KHDRBS2: variants seen among roughly 807,000 people sequenced by gnomAD.
The protein encoded by KHDRBS2 is KH RNA binding domain containing, signal transduction associated 2, also known as KH domain-containing, RNA-binding, signal transduction-associated protein 2.
A neutral mutation model predicts 44.3 loss-of-function variants in KHDRBS2; 26 were observed. That is an observed-to-expected ratio of 0.59 (90% CI 0.43 to 0.81). The LOEUF is 0.81. KHDRBS2 is among the 40% of genes least tolerant of loss of function. The probability of loss-of-function intolerance (pLI) is 0.00; values close to 1 mark genes in which losing one functional copy is unlikely to be tolerated. For missense variants in KHDRBS2, 476 were observed against 433.1 expected (o/e 1.10, Z -0.88); for synonymous variants, 194 against 151.1 (o/e 1.28, Z -2.08).
At chr6:61,932,120 T>C (rs1264610499) in intron 4 of KHDRBS2, among the ~76,000 whole-genome samples, 1 of 152,140 alleles carries the variant, frequency 6.6e-6, no homozygotes, top group Admixed American at 6.6e-5. Flanking sequence ...TATTTGTAGT[T>C]AAGTTTTTGG....
chr6:62,054,019 G>A (rs2127316927), intron 2 of KHDRBS2, among the ~76,000 whole-genome samples: 1 of 152,102 alleles, frequency 6.6e-6, no homozygotes, highest in Admixed American at 6.5e-5. Flanking sequence ...AACCTTTACA[G>A]AACATGTATA....
At chr6:62,284,158 T>C (rs559212614) in intron 1 of KHDRBS2, among the ~76,000 whole-genome samples, 4 of 152,308 alleles carry the variant, frequency 2.6e-5, no homozygotes, top group African/African-American at 2.4e-5. Context: ...GAAATACTTA[T>C]GCACTCTGTT....
chr6:62,045,393 C>T (rs1460559963), intron 3 of KHDRBS2, among the ~76,000 whole-genome samples: 2 of 151,980 alleles, frequency 1.3e-5, no homozygotes, highest in Non-Finnish European at 2.9e-5. Context: ...ATGTTTGGCT[C>T]CTTCTCATCT....
the KHDRBS2 span, among the ~76,000 whole-genome samples, chr6:61,553,931 C>G: frequency 1.3e-5 from 2 of 151,980 alleles, no homozygotes; most frequent in Admixed American, 6.6e-5. Context: ...TGTCTGGTCA[C>G]TTTTAGAGTG....
intron 4 of KHDRBS2, among the ~76,000 whole-genome samples, chr6:61,955,589 T>C (rs76687297): frequency 0.085 from 4,292 of 50,584 alleles, 1,417 homozygotes; most frequent in African/African-American, 0.27. Context: ...TGTATGTATG[T>C]ATACATGTGT....
the KHDRBS2 span, among the ~76,000 whole-genome samples, chr6:61,604,192 AGG>A: frequency 1.2e-4 from 18 of 152,204 alleles, no homozygotes; most frequent in Non-Finnish European, 2.2e-4. Flanking sequence ...TCACTATACA[AGG>A]GTCATCTATC....
intron 4 of KHDRBS2, among the ~76,000 whole-genome samples, chr6:61,925,257 T>G (rs1272447429): frequency 3.9e-5 from 6 of 152,174 alleles, no homozygotes. Context: ...AGTGATTATA[T>G]TATCCAATTT....
At chr6:62,019,316 T>C (rs771785805) in intron 3 of KHDRBS2, among the ~76,000 whole-genome samples, 1 of 152,178 alleles carries the variant, frequency 6.6e-6, no homozygotes, top group Non-Finnish European at 1.5e-5. Context: ...TTACTGAGAA[T>C]ATTTTTATTA....
intron 4 of KHDRBS2, among the ~76,000 whole-genome samples, chr6:61,910,455 A>G (rs537261550): frequency 6.6e-6 from 1 of 152,304 alleles, no homozygotes; most frequent in African/African-American, 2.4e-5. Flanking sequence ...TTGGCTTTGT[A>G]TCTTAAATGG....
At chr6:61,751,398 T>C (rs936062564) in intron 6 of KHDRBS2, among the ~76,000 whole-genome samples, 1 of 152,202 alleles carries the variant, frequency 6.6e-6, no homozygotes, top group African/African-American at 2.4e-5. Context: ...AAGAATTGTG[T>C]ATGAGATAAA....
the KHDRBS2 span, among the ~76,000 whole-genome samples, chr6:61,598,810 A>T: frequency 1.4e-5 from 2 of 146,438 alleles, no homozygotes; most frequent in Non-Finnish European, 3.0e-5. Flanking sequence ...ACTCTAGAAT[A>T]AAGGGTAGAG....
At chr6:62,032,295 C>T (rs1174288242) in intron 3 of KHDRBS2, among the ~76,000 whole-genome samples, 1 of 152,004 alleles carries the variant, frequency 6.6e-6, no homozygotes, top group Non-Finnish European at 1.5e-5. Flanking sequence ...ATCTAATCAG[C>T]TGCCAGCGCA....
chr6:61,984,093 C>T (rs1774536289), intron 3 of KHDRBS2, among the ~76,000 whole-genome samples: 1 of 152,132 alleles, frequency 6.6e-6, no homozygotes, highest in Admixed American at 6.6e-5. Context: ...TTGGGCCACT[C>T]AAAAATTTCA....
intron 1 of KHDRBS2, among the ~76,000 whole-genome samples, chr6:62,264,062 C>T (rs934673614): frequency 1.1e-4 from 16 of 151,744 alleles, no homozygotes; most frequent in Admixed American, 9.9e-4. Context: ...TCTCATTTGA[C>T]GTCAACCTGC....
chr6:61,561,874 C>T, the KHDRBS2 span, among the ~76,000 whole-genome samples: 1 of 152,120 alleles, frequency 6.6e-6, no homozygotes, highest in Non-Finnish European at 1.5e-5. Context: ...TCTTCCCTCC[C>T]CACTCCCAAC....
intron 2 of KHDRBS2, among the ~76,000 whole-genome samples, chr6:62,098,039 C>T (rs1239387343): frequency 6.6e-6 from 1 of 151,954 alleles, no homozygotes; most frequent in Non-Finnish European, 1.5e-5. Context: ...AATTCTATTC[C>T]CCCCACATTT....
intron 3 of KHDRBS2, among the ~76,000 whole-genome samples, chr6:62,044,809 A>C (rs563944165): frequency 6.6e-6 from 1 of 152,184 alleles, no homozygotes; most frequent in African/African-American, 2.4e-5. Flanking sequence ...AACATGGCTA[A>C]TCTTTGTAAA....
Position 62,069,394 on chromosome 6 carries a change from G to A in KHDRBS2, c.220-21400C>T, listed in dbSNP as rs545112419. 2.6e-5 allele frequency among the ~76,000 whole-genome samples: 4 copies of A among 151,872 alleles called. No individual in the cohort carries two copies. In the South Asian group the frequency reaches 6.2e-4, roughly 24 times the overall value. On this transcript the variant is annotated intron_variant, in intron 2 of 8. Transcript: ENST00000281156. ...CCTGTTTAGAAGACGCATAGTCTGT[G>A]TGAAATGGCAGGCAACTGCAGCTAC...
chr6:61,976,135 G>A (rs897496082), intron 4 of KHDRBS2, among the ~76,000 whole-genome samples: 1 of 152,042 alleles, frequency 6.6e-6, no homozygotes, highest in Non-Finnish European at 1.5e-5. Flanking sequence ...TCTTGACTGT[G>A]GGGTATTAGC....
Sources: allele counts gnomAD v4.1 joint callset (sites outside exome capture counted in the v4.1 genomes callset), GRCh38; gene constraint gnomAD v4.1.1; transcripts MANE v1.5; gene names NCBI Gene and HGNC (gene_info 2026-07-23, HGNC 2026-07-21).